The following CELA3B variants were observed in gnomAD, a reference collection of about 807,000 sequenced individuals.
CELA3B encodes chymotrypsin-like elastase family member 3B.
CELA3B carries 34 observed loss-of-function variants against 37.2 expected under a neutral mutation model. The ratio of observed to expected loss-of-function variants is 0.91; its 90% confidence interval spans 0.70 to 1.22. The LOEUF (loss-of-function observed/expected upper bound fraction) is 1.22. CELA3B is among the 50% of genes most tolerant of loss of function. The pLI is 0.00. For synonymous variants in CELA3B, 127 were observed against 143.5 expected (o/e 0.89, Z 0.82); for missense variants, 340 against 363.1 (o/e 0.94, Z 0.52).
chr1:21,993,322 C>A (rs1644876508), downstream of CELA3B, among the ~76,000 whole-genome samples: 4 of 150,620 alleles, frequency 2.7e-5, no homozygotes. Context: ...ATTAGCTGAG[C>A]ATGGTGGCGC....
intron 4 of CELA3B, among the ~76,000 whole-genome samples, chr1:21,997,440 C>T (rs1023816989): frequency 5.4e-5 from 8 of 148,530 alleles, no homozygotes; most frequent in South Asian, 4.2e-4. Flanking sequence ...TGTAATCCCA[C>T]ACTTTGGGAG....
downstream of CELA3B, among the ~76,000 whole-genome samples, chr1:21,993,290 G>A (rs71638806): frequency 1.6e-4 from 24 of 150,968 alleles, no homozygotes; most frequent in South Asian, 8.3e-4. Context: ...GCGAAATCCC[G>A]TCTCTAATAA....
Position 21,984,194 on chromosome 1 carries a change from G to T in CELA3B, c.505G>T (p.Gly169Trp), listed in dbSNP as rs142627687. ...ITGWGRLYTNGPLPDKLQEAL... is the reference protein window; with the variant it reads ...ITGWGRLYTNWPLPDKLQEAL... ...GGTGCTTTTTATCGCTGCAGCCAAC[G>T]GGCCACTCCCAGACAAGCTGCAGGA... Residue 169 changes from glycine to tryptophan, a missense_variant, in exon 6 of 8, where the codon GGG (glycine) becomes TGG (tryptophan). Transcript: ENST00000337107. The T allele has an allele frequency of 6.2e-7, 1 of 1,613,270 alleles. No homozygotes were observed. The highest frequency in any genetic ancestry group is 1.1e-5 in the South Asian group (1 of 90,998).
intron 6 of CELA3B, among the ~76,000 whole-genome samples, chr1:21,985,505 T>C (rs1239053211): frequency 6.6e-6 from 1 of 151,870 alleles, no homozygotes; most frequent in African/African-American, 2.4e-5. Flanking sequence ...CTCTAACTCT[T>C]GGGCTCAAGT....
chr1:21,981,933 G>C (rs542910283), intron 4 of CELA3B, among the ~76,000 whole-genome samples: 2 of 152,106 alleles, frequency 1.3e-5, no homozygotes, highest in African/African-American at 4.8e-5. Flanking sequence ...CACCGTGTTA[G>C]CCAGGATGAT....
At chr1:21,994,327 T>C (rs567520801), downstream of CELA3B, among the ~76,000 whole-genome samples, 119 of 150,932 alleles carry the variant, frequency 7.9e-4, 5 homozygotes, top group African/African-American at 2.8e-3. Context: ...CAGACATGCC[T>C]GGGCTGGGCC....
At chr1:21,991,592 T>A (rs1644869148), downstream of CELA3B, among the ~76,000 whole-genome samples, 1 of 150,894 alleles carries the variant, frequency 6.6e-6, no homozygotes, top group African/African-American at 2.5e-5. Context: ...CGCCTTGGCC[T>A]CCCAAAGTGC....
chr1:21,983,806 A>C lies in CELA3B; in HGVS notation c.475A>C (p.Ile159Leu). The change falls in exon 5 of 8, where the codon ATC becomes CTC. Residue 159 changes from isoleucine (I) to leucine (L), a missense_variant. Ile to Leu is a conservative substitution (Grantham distance 5). Coordinates refer to ENST00000337107, the MANE Select transcript of CELA3B (RefSeq NM_007352.4). ...DILPNETPCYITGWGRLYTNG... is the reference protein window; with the variant it reads ...DILPNETPCYLTGWGRLYTNG... The stretch of plus-strand genomic sequence containing the variant: ...CCTTCCCAACGAGACACCCTGCTAC[A>C]TCACCGGCTGGGGCCGTCTCTATAG... 1.2e-6 allele frequency: 2 copies of C among 1,614,024 alleles called. No homozygotes were observed. The highest frequency in any genetic ancestry group is 1.7e-6 in the Non-Finnish European group (2 of 1,180,002).
chr1:21,980,240 G>A (rs58403732), intron 2 of CELA3B, among the ~76,000 whole-genome samples: 5,604 of 141,494 alleles, frequency 0.04, 241 homozygotes, highest in African/African-American at 0.11. Flanking sequence ...AGCACTTCGG[G>A]AGGCCGAGGT....
At chr1:21,997,082 G>A (rs1436656553) in intron 4 of CELA3B, among the ~76,000 whole-genome samples, 6 of 151,326 alleles carry the variant, frequency 4.0e-5, no homozygotes, top group Admixed American at 1.3e-4. Flanking sequence ...AAGTCCCGCC[G>A]GGCGTGGTGG....
chr1:21,997,939 TTGAC>T (rs1375555248), intron 4 of CELA3B, among the ~76,000 whole-genome samples: 1 of 151,356 alleles, frequency 6.6e-6, no homozygotes, highest in African/African-American at 2.4e-5. Flanking sequence ...ATAATGAAGA[TTGAC>T]TGTTGAGAGG....
At chr1:21,986,281 A>T (rs1361949103) in intron 6 of CELA3B, among the ~76,000 whole-genome samples, 1 of 151,898 alleles carries the variant, frequency 6.6e-6, no homozygotes, top group African/African-American at 2.4e-5. Flanking sequence ...AAGCAGGAGA[A>T]ACACTTGAAC....
chr1:21,998,374 C>A (rs1260566965), exon 5 of CELA3B: 3 of 354,498 alleles, frequency 8.5e-6, no homozygotes, highest in East Asian at 1.5e-4. Flanking sequence ...ACAAAGCACA[C>A]AAAACCCCCC....
downstream of CELA3B, among the ~76,000 whole-genome samples, chr1:21,994,269 A>G (rs566438316): frequency 8.8e-4 from 132 of 150,490 alleles, 3 homozygotes; most frequent in South Asian, 5.2e-3. Context: ...CCTCCCTCCT[A>G]TCCTCCAAAA....
downstream of CELA3B, among the ~76,000 whole-genome samples, chr1:21,991,792 G>C (rs1490260158): frequency 4.0e-5 from 6 of 151,242 alleles, no homozygotes; most frequent in Non-Finnish European, 7.4e-5. Flanking sequence ...GAAGCTGAAA[G>C]AGTTGGCTAA....
In CELA3B at chr1:21,984,179, A is replaced by G. The variant is rs374310828; in HGVS notation, c.500-10A>G. On this transcript the variant is annotated splice_polypyrimidine_tract_variant and intron_variant, in intron 5 of 7. Coordinates refer to ENST00000337107, the MANE Select transcript of CELA3B (RefSeq NM_007352.4). ...CCAGACCCCTGACTCGGTGCTTTTT[A>G]TCGCTGCAGCCAACGGGCCACTCCC... The G allele has an allele frequency of 1.2e-6, 2 of 1,611,136 alleles. No homozygotes were observed. Among genetic ancestry groups the G allele is most frequent in the Non-Finnish European group, 1.7e-6 (2 of 1,178,502 alleles).
chr1:21,977,852 C>T lies in CELA3B; in HGVS notation c.44-517C>T, dbSNP rs578063867. 70 of 356,040 alleles carry T rather than the reference C, an allele frequency of 2.0e-4. 1 individual carries two copies. The East Asian group carries it at 4.4e-3, about 23-fold the overall frequency. The allele number at this position is 356,040 out of a possible 1,614,324, so 22.1% of individuals were successfully genotyped here. On this transcript the variant is annotated intron_variant, in intron 1 of 7. Coordinates refer to ENST00000337107, the MANE Select transcript of CELA3B (RefSeq NM_007352.4). Reference sequence around the variant, plus strand: ...TAGCTGAGATTATAGGCACATGCCACCATACCTGGCTACTTTATTTTATTG... The same window carrying T: ...TAGCTGAGATTATAGGCACATGCCATCATACCTGGCTACTTTATTTTATTG...
Position 21,984,288 on chromosome 1 carries a change from A to G in CELA3B, c.599A>G (p.Lys200Arg). ...RWNWWGSSVKKTMVCAGGDIR... is the reference protein window; with the variant it reads ...RWNWWGSSVKRTMVCAGGDIR... Reference sequence around the variant, plus strand: ...AACTGGTGGGGTTCCTCCGTGAAGAAGACCATGGTGTGTGCTGGAGGGGAC... The same window carrying G: ...AACTGGTGGGGTTCCTCCGTGAAGAGGACCATGGTGTGTGCTGGAGGGGAC... Residue 200 changes from lysine (K) to arginine (R), a missense_variant, in exon 6 of 8, where the codon AAG (lysine) becomes AGG (arginine). Coordinates refer to ENST00000337107, the MANE Select transcript of CELA3B (RefSeq NM_007352.4). 1 of 1,614,170 alleles carries G rather than the reference A, an allele frequency of 6.2e-7. No individual in the cohort carries two copies.
intron 7 of CELA3B, chr1:21,986,946 C>T (rs576585295): frequency 2.5e-4 from 113 of 454,682 alleles, no homozygotes; most frequent in African/African-American, 2.4e-3. Context: ...CTCCTCTGGT[C>T]TTGTCCTCTC....
Sources: gnomAD v4.1 joint callset for allele counts (sites outside exome capture counted in the v4.1 genomes callset) on GRCh38, gnomAD v4.1.1 for gene constraint, MANE v1.5 for transcripts, NCBI Gene and HGNC (gene_info 2026-07-23, HGNC 2026-07-21) for gene names.